The following SH3D21 variants were observed in gnomAD, a reference collection of about 807,000 sequenced individuals.
SH3D21 encodes the protein manchette microtubule inner protein 1.
SH3D21 carries 83 observed loss-of-function variants against 82.1 expected under a neutral mutation model. The observed-to-expected ratio is 1.01, with a 90% CI of 0.85 to 1.21. The LOEUF is 1.21. Ranked by LOEUF, SH3D21 falls within the 50% of genes most tolerant of loss-of-function variation. SH3D21 has a pLI of 0.00. For missense variants in SH3D21, 980 were observed against 962.1 expected (o/e 1.02, Z -0.25); for synonymous variants, 383 against 387.8 (o/e 0.99, Z 0.15).
At chr1:36,311,386 G>A (rs528898551) in intron 10 of SH3D21, among the ~76,000 whole-genome samples, 88 of 152,078 alleles carry the variant, frequency 5.8e-4, no homozygotes, top group African/African-American at 2.0e-3. Flanking sequence ...GACTACAGGC[G>A]CCTGCCATCA....
chr1:36,319,844 A>G lies in SH3D21; in HGVS notation c.1181A>G (p.Asp394Gly), dbSNP rs1241245655. ...PSPEKTLTLG[D>G]KASIPGNSTS... is the part of the protein sequence containing the mutation. ...CCAGAGAAGACCCTCACTCTAGGGG[A>G]CAAGGCCTCTATCCCAGGGAACTCC... The change falls in exon 14 of 16, where the codon GAC (aspartate) becomes GGC (glycine). Residue 394 changes from aspartate to glycine, a missense_variant. Coordinates refer to ENST00000453908, the MANE Select transcript of SH3D21 (RefSeq NM_001162530.2). The G allele has an allele frequency of 6.2e-7, 1 of 1,613,872 alleles. No homozygotes were observed. The highest frequency in any genetic ancestry group is 8.5e-7 in the Non-Finnish European group (1 of 1,179,926).
Position 36,320,271 on chromosome 1 carries a change from CCCA to C in SH3D21, c.1611_1613del (p.Pro538del). ...AGGAGGCCCACACGCCAGAGGCACC[CCCA>C]CCCCAGCCTCCTTCCTCAGAGAGGT... On this transcript the variant is annotated inframe_deletion, in exon 14 of 16. Coordinates refer to ENST00000453908, the MANE Select transcript of SH3D21 (RefSeq NM_001162530.2). 2.5e-6 allele frequency: 4 copies of C among 1,612,738 alleles called. No individual in the cohort carries two copies. The highest frequency in any genetic ancestry group is 3.4e-6 in the Non-Finnish European group (4 of 1,179,816).
chr1:36,322,629 G>C (rs1646486117), downstream of SH3D21: 5 of 1,545,538 alleles, frequency 3.2e-6, no homozygotes, highest in Non-Finnish European at 4.4e-6. Flanking sequence ...CCGCGGGCGG[G>C]GCGCCCACGA....
intron 10 of SH3D21, among the ~76,000 whole-genome samples, chr1:36,311,232 ATTGT>A (rs560435018): frequency 1.3e-4 from 18 of 139,658 alleles, no homozygotes; most frequent in East Asian, 2.2e-4. Flanking sequence ...TTTTGTTGTT[ATTGT>A]TTGTTTGTTT....
Position 36,319,530 on chromosome 1 carries a change from C to T in SH3D21, c.1005C>T (p.Ser335=). 1.3e-6 allele frequency: 2 copies of T among 1,551,678 alleles called. No individual in the cohort carries two copies. Among genetic ancestry groups the T allele is most frequent in the Non-Finnish European group, 1.7e-6 (2 of 1,146,990 alleles). ...KTQTPQQRSV[S]SQEEEHSSPV... ...AGACTCCCCAGCAACGCTCTGTGTC[C>T]AGTCAGGTGAGGGGCGGGAGACATG... The change falls in exon 13 of 16, where the codon TCC becomes TCT. Residue 335 remains serine (S), a synonymous_variant. Coordinates refer to ENST00000453908, the MANE Select transcript of SH3D21 (RefSeq NM_001162530.2).
downstream of SH3D21, chr1:36,323,116 C>A (rs1646496431): frequency 1.4e-6 from 2 of 1,476,544 alleles, no homozygotes; most frequent in African/African-American, 2.9e-5. Context: ...GAGCCCACCC[C>A]GACCCCTTCC....
chr1:36,320,426 T>G lies in SH3D21; in HGVS notation c.1763T>G (p.Leu588Arg). The G allele has an allele frequency of 1.2e-6, 2 of 1,612,830 alleles. No individual in the cohort carries two copies. Among genetic ancestry groups the G allele is most frequent in the Non-Finnish European group, 8.5e-7 (1 of 1,179,560 alleles). ...CACCCCCACGAAGAGGCTACAACCCTTCCAGAGGAGGCACCTTCCAATGAC... is the reference window on the plus strand; with the variant it reads ...CACCCCCACGAAGAGGCTACAACCCGTCCAGAGGAGGCACCTTCCAATGAC... ...KPHPHEEATTLPEEAPSNDER... is the reference protein window; with the variant it reads ...KPHPHEEATTRPEEAPSNDER... The change falls in exon 14 of 16, where the codon CTT becomes CGT. Residue 588 changes from leucine (L) to arginine (R), a missense_variant. By Grantham distance (102) the Leu-to-Arg change is moderately radical. Coordinates refer to ENST00000453908, the MANE Select transcript of SH3D21 (RefSeq NM_001162530.2).
Position 36,319,726 on chromosome 1 carries a change from A to G in SH3D21, c.1063A>G (p.Met355Val), listed in dbSNP as rs981437513. ...GGCCCCCTCTGTGAAGAGAACCCCC[A>G]TGCCGGACAAGACTGCCACCCCAGA... ...VKAPSVKRTPMPDKTATPERP... is the reference protein window; with the variant it reads ...VKAPSVKRTPVPDKTATPERP... Residue 355 changes from methionine to valine, a missense_variant, in exon 14 of 16, where the codon ATG becomes GTG. Physicochemically the swap from Met to Val is conservative, Grantham distance 21 (BLOSUM62 1). Transcript: ENST00000453908. 7 of 1,596,458 alleles carry G rather than the reference A, an allele frequency of 4.4e-6. No individual in the cohort carries two copies. Among genetic ancestry groups the G allele is most frequent in the Non-Finnish European group, 6.0e-6 (7 of 1,173,004 alleles).
chr1:36,328,388 C>T (rs1001100790), downstream of SH3D21: 3 of 344,934 alleles, frequency 8.7e-6, no homozygotes, highest in East Asian at 7.5e-5. Flanking sequence ...GGAGACTCAC[C>T]GGGGGCCTCC....
downstream of SH3D21, chr1:36,328,034 C>A: frequency 2.1e-6 from 1 of 486,568 alleles, no homozygotes; most frequent in South Asian, 1.5e-5. Context: ...CGCTGCCTAT[C>A]TGCCCAGGAC....
intron 10 of SH3D21, among the ~76,000 whole-genome samples, chr1:36,312,555 A>G (rs1334698339): frequency 1.3e-5 from 2 of 152,166 alleles, no homozygotes; most frequent in Non-Finnish European, 2.9e-5. Flanking sequence ...TCATTTGTGA[A>G]TAATAATTTT....
chr1:36,321,264 GCGCGGGGGCAGGGCCTGGGCCTC>G lies in SH3D21; in HGVS notation c.*141_*163del. The G allele has an allele frequency of 1.2e-5, 18 of 1,462,732 alleles. No individual in the cohort carries two copies. Among genetic ancestry groups the G allele is most frequent in the East Asian group, 2.5e-5 (1 of 40,308 alleles). 90.6% of individuals were successfully genotyped at this position (1,462,732 alleles called of 1,614,324 possible). A position where few individuals can be genotyped will look rare whatever the true frequency, so the allele number is the denominator to read the frequency against. On this transcript the variant is annotated 3_prime_UTR_variant, in exon 16 of 16. Transcript: ENST00000453908. This position sits in a 1 kb window ranked among gnomAD's most constrained non-coding sequence, Gnocchi z 6.1. ...GGTCTGGTCGCTGGGGGCGGGGCCT[GCGCGGGGGCAGGGCCTGGGCCTC>G]CGCATTCCTGACGGTCCCTCCCAGG...
At position 36,319,681 on chromosome 1, in the gene SH3D21, G is replaced by T; in HGVS notation, c.1018G>T (p.Glu340Ter). The change falls in exon 14 of 16, where the codon GAG becomes TAG. Residue 340 changes from glutamate to a stop codon, truncating the protein, a stop_gained. Coordinates refer to ENST00000453908, the MANE Select transcript of SH3D21 (RefSeq NM_001162530.2). LOFTEE classifies it high-confidence loss of function. ...QQRSVSSQEE[E>*]HSSPVKAPSV... Reference sequence around the variant, plus strand: ...TCACCTCCCATCACGGCAGGAGGAAGAGCACAGCAGCCCGGTAAAGGCCCC... The same window carrying T: ...TCACCTCCCATCACGGCAGGAGGAATAGCACAGCAGCCCGGTAAAGGCCCC... The T allele has an allele frequency of 6.3e-7, 1 of 1,584,814 alleles. No homozygotes were observed. Among genetic ancestry groups the T allele is most frequent in the Non-Finnish European group, 8.6e-7 (1 of 1,166,354 alleles).
chr1:36,316,989 G>A (rs1404350228), intron 10 of SH3D21, among the ~76,000 whole-genome samples: 1 of 152,080 alleles, frequency 6.6e-6, no homozygotes, highest in Non-Finnish European at 1.5e-5. Flanking sequence ...CCTCTCTTTT[G>A]TAGACCTCCT....
chr1:36,320,323 C>T lies in SH3D21; in HGVS notation c.1660C>T (p.Leu554=). The T allele has an allele frequency of 3.7e-6, 6 of 1,613,068 alleles. No individual in the cohort carries two copies. Among genetic ancestry groups the T allele is most frequent in the Non-Finnish European group, 5.1e-6 (6 of 1,179,942 alleles). The change falls in exon 14 of 16, where the codon CTA becomes TTA. Residue 554 remains leucine (L), a synonymous_variant. Transcript: ENST00000453908. ...GTGCCTGGGAGAGATGAAATGTACC[C>T]TAGTTAGAGGGGACAGCTCCCCACG... ...ERCLGEMKCT[L]VRGDSSPRQA... is the part of the protein sequence containing the mutation.
downstream of SH3D21, chr1:36,329,222 T>C (rs1168741132): frequency 6.6e-6 from 1 of 152,232 alleles, no homozygotes; most frequent in Admixed American, 6.5e-5. Context: ...GTAATGATAA[T>C]GTGTTTGTGA....
Position 36,319,751 on chromosome 1 carries a change from A to AGAGGCCCCCAGCTCCAGAG in SH3D21, c.1089_1107dup (p.Asn370GlufsTer18). 1 of 1,604,392 alleles carries AGAGGCCCCCAGCTCCAGAG rather than the reference A, an allele frequency of 6.2e-7. No homozygotes were observed. Among genetic ancestry groups the AGAGGCCCCCAGCTCCAGAG allele is most frequent in the Non-Finnish European group, 8.5e-7 (1 of 1,176,086 alleles). On this transcript the variant is annotated frameshift_variant, in exon 14 of 16. Coordinates refer to ENST00000453908, the MANE Select transcript of SH3D21 (RefSeq NM_001162530.2). LOFTEE classifies it high-confidence loss of function. Reference sequence around the variant, plus strand: ...ATGCCGGACAAGACTGCCACCCCAGAGAGGCCCCCAGCTCCAGAGAACGCC... The same window carrying AGAGGCCCCCAGCTCCAGAG: ...ATGCCGGACAAGACTGCCACCCCAGAGAGGCCCCCAGCTCCAGAGGAGGCCCCCAGCTCCAGAGAACGCC...
chr1:36,321,338 A>T lies in SH3D21; in HGVS notation c.*211A>T. ...CACATCTGGCCAACATGTGGCTCCC[A>T]TTACCGTTCCCAAGGCCTGCGCGCG... is the stretch of plus-strand genomic sequence containing the variant. On this transcript the variant is annotated 3_prime_UTR_variant, in exon 16 of 16. Transcript: ENST00000453908. The surrounding 1 kb of genome is among the most constrained non-coding windows in gnomAD (Gnocchi z 6.1). 1 of 1,411,670 alleles carries T rather than the reference A, an allele frequency of 7.1e-7. No homozygotes were observed. Among genetic ancestry groups the T allele is most frequent in the Non-Finnish European group, 9.2e-7 (1 of 1,085,978 alleles). 87.4% of individuals were successfully genotyped at this position (1,411,670 alleles called of 1,614,324 possible). A position where few individuals can be genotyped will look rare whatever the true frequency, so the allele number is the denominator to read the frequency against.
At chr1:36,308,603 T>C in intron 9 of SH3D21, 128 bp downstream of exon 9, 1 of 678,594 alleles carries the variant, frequency 1.5e-6, no homozygotes, top group East Asian at 2.7e-5. Flanking sequence ...ATGTGGGGGC[T>C]CCTTTTGGAT....
Sources: gnomAD v4.1 joint callset for allele counts (sites outside exome capture counted in the v4.1 genomes callset) on GRCh38, gnomAD v4.1.1 for gene constraint, Gnocchi (gnomAD v3.1) non-coding constraint, MANE v1.5 for transcripts, NCBI Gene and HGNC (gene_info 2026-07-23, HGNC 2026-07-21) for gene names.